NCKAP5: variants seen among roughly 807,000 people sequenced by gnomAD.
NCKAP5 encodes the protein NCK associated protein 5, also known as nck-associated protein 5.
Under a neutral mutation model 167.0 loss-of-function variants are expected in NCKAP5, and 92 were observed. The observed-to-expected ratio is 0.55, with a 90% CI of 0.47 to 0.66. The LOEUF (loss-of-function observed/expected upper bound fraction) is 0.66, where lower values mean the gene tolerates loss of function less well. Ranked by LOEUF, NCKAP5 falls within the 30% of genes least tolerant of loss-of-function variation. The pLI is 0.00. For synonymous variants in NCKAP5, 891 were observed against 877.4 expected, an observed-to-expected ratio of 1.02 and a Z score of -0.27; for missense variants, 2,378 against 2,315.0, an observed-to-expected ratio of 1.03 and a Z score of -0.56.
At chr2:132,932,993 C>G (rs949040640) in intron 8 of NCKAP5, among the ~76,000 whole-genome samples, 3 of 146,536 alleles carry the variant, frequency 2.0e-5, no homozygotes, top group African/African-American at 7.7e-5. Flanking sequence ...GGAACGATCT[C>G]GGCTCACTGC....
At chr2:133,356,891 T>C (rs1470690861) in intron 3 of NCKAP5, among the ~76,000 whole-genome samples, 1 of 152,232 alleles carries the variant, frequency 6.6e-6, no homozygotes, top group Non-Finnish European at 1.5e-5. Context: ...CAGAGAGCCA[T>C]GTTCCTTTAC....
At chr2:133,105,762 AG>A (rs773109321) in intron 6 of NCKAP5, among the ~76,000 whole-genome samples, 12 of 152,248 alleles carry the variant, frequency 7.9e-5, no homozygotes, top group Non-Finnish European at 1.8e-4. Context: ...AAATGGGCAG[AG>A]GGTCTGAAGG....
intron 10 of NCKAP5, among the ~76,000 whole-genome samples, chr2:132,865,429 T>C (rs970516741): frequency 2.6e-5 from 4 of 152,098 alleles, no homozygotes; most frequent in African/African-American, 9.7e-5. Flanking sequence ...CTCCTGGAAA[T>C]TGGGGAATTT....
At chr2:132,808,709 C>T (rs1685629450) in intron 11 of NCKAP5, among the ~76,000 whole-genome samples, 1 of 151,924 alleles carries the variant, frequency 6.6e-6, no homozygotes, top group Non-Finnish European at 1.5e-5. Flanking sequence ...TTCAATGAAC[C>T]AGTTTTTTGT....
chr2:133,290,763 T>C (rs1679534364), intron 4 of NCKAP5, among the ~76,000 whole-genome samples: 1 of 145,498 alleles, frequency 6.9e-6, no homozygotes, highest in Admixed American at 7.0e-5. Flanking sequence ...GTTGTTGTTG[T>C]TTATTTTTGA....
intron 5 of NCKAP5, among the ~76,000 whole-genome samples, chr2:133,158,197 G>T (rs1221695498): frequency 6.6e-6 from 1 of 152,086 alleles, no homozygotes; most frequent in Non-Finnish European, 1.5e-5. Context: ...ATCTATTTGA[G>T]GCAAGTGCTG....
chr2:132,756,722 G>A (rs1215228551), intron 16 of NCKAP5, among the ~76,000 whole-genome samples: 1 of 152,164 alleles, frequency 6.6e-6, no homozygotes, highest in South Asian at 2.1e-4. Flanking sequence ...CAATGGTGAG[G>A]GGAAATGACA....
At chr2:133,196,801 G>A (rs1252731412) in intron 5 of NCKAP5, among the ~76,000 whole-genome samples, 2 of 152,270 alleles carry the variant, frequency 1.3e-5, no homozygotes, top group South Asian at 2.1e-4. Context: ...GATCAGAGAA[G>A]CAGGGACTTA....
At chr2:132,920,771 G>GTATGTATGTATGTATATATA (rs1553479343) in intron 8 of NCKAP5, among the ~76,000 whole-genome samples, 1 of 31,568 alleles carries the variant, frequency 3.2e-5, no homozygotes, top group African/African-American at 1.1e-4. Flanking sequence ...ATATATGTAT[G>GTATGTATGTATGTATATATA]TATATATATA....
intron 3 of NCKAP5, among the ~76,000 whole-genome samples, chr2:133,340,505 G>A (rs1010119687): frequency 6.6e-6 from 1 of 152,040 alleles, no homozygotes. Context: ...TGGATCCTCT[G>A]TAATTGCCAT....
the NCKAP5 span, among the ~76,000 whole-genome samples, chr2:133,575,753 C>T: frequency 5.3e-4 from 81 of 152,306 alleles, no homozygotes; most frequent in African/African-American, 1.8e-3. Context: ...CTGGCCAAAT[C>T]GGCAGAGAAA....
At chr2:133,597,091 T>TACTTGGGAAAAACCCTGTCAAAGATCC in the NCKAP5 span, among the ~76,000 whole-genome samples, 2 of 152,202 alleles carry the variant, frequency 1.3e-5, no homozygotes, top group Non-Finnish European at 2.9e-5. Flanking sequence ...GCCAGTGGCA[T>TACTTGGGAAAAACCCTGTCAAAGATCC]ACTTGGGAAA....
intron 3 of NCKAP5, among the ~76,000 whole-genome samples, chr2:133,371,638 A>G (rs1275853136): frequency 6.6e-6 from 1 of 152,316 alleles, no homozygotes; most frequent in Non-Finnish European, 1.5e-5. Context: ...TTCATACACA[A>G]TCTGCTATGT....
At chr2:132,887,267 TTTTTA>T (rs1224935521) in intron 8 of NCKAP5, among the ~76,000 whole-genome samples, 1 of 152,078 alleles carries the variant, frequency 6.6e-6, no homozygotes, top group Non-Finnish European at 1.5e-5. Flanking sequence ...GCGACTTTTA[TTTTTA>T]TTTTATCTAT....
At chr2:132,800,405 T>G (rs1271504648) in intron 11 of NCKAP5, among the ~76,000 whole-genome samples, 1 of 152,216 alleles carries the variant, frequency 6.6e-6, no homozygotes, top group Non-Finnish European at 1.5e-5. Flanking sequence ...CTACTCAGTA[T>G]AGGTTTGAAA....
At chr2:133,674,270 A>G in the NCKAP5 span, among the ~76,000 whole-genome samples, 1 of 152,102 alleles carries the variant, frequency 6.6e-6, no homozygotes, top group Non-Finnish European at 1.5e-5. Context: ...ATTGACATGC[A>G]TAGTGTGCGG....
chr2:133,171,974 AT>A (rs2084267471), intron 5 of NCKAP5, among the ~76,000 whole-genome samples: 1 of 152,208 alleles, frequency 6.6e-6, no homozygotes, highest in Non-Finnish European at 1.5e-5. Context: ...TCTATTTGAC[AT>A]CTTGATTTTT....
the NCKAP5 span, among the ~76,000 whole-genome samples, chr2:133,587,438 G>A: frequency 6.6e-6 from 1 of 152,196 alleles, no homozygotes; most frequent in Non-Finnish European, 1.5e-5. Context: ...CCCAGTTTGG[G>A]AGGTGACATC....
intron 4 of NCKAP5, among the ~76,000 whole-genome samples, chr2:133,288,182 A>G (rs887254906): frequency 1.3e-5 from 2 of 152,190 alleles, no homozygotes; most frequent in Non-Finnish European, 2.9e-5. Flanking sequence ...CCAGCAGAAG[A>G]AATGTTTTTT....
Sources: allele counts gnomAD v4.1 joint callset (sites outside exome capture counted in the v4.1 genomes callset), GRCh38; gene constraint gnomAD v4.1.1; transcripts MANE v1.5; gene names NCBI Gene and HGNC (gene_info 2026-07-23, HGNC 2026-07-21).